The following REXO1 variants were observed in gnomAD, a reference collection of about 807,000 sequenced individuals.
REXO1 encodes the protein RNA exonuclease 1 homolog, also known as REX1, RNA exonuclease 1 homolog.
Under a neutral mutation model 102.6 loss-of-function variants are expected in REXO1, and 42 were observed. The ratio of observed to expected loss-of-function variants is 0.41; its 90% CI spans 0.32 to 0.53. REXO1 has a LOEUF of 0.53. Ranked by LOEUF, REXO1 falls within the 20% of genes least tolerant of loss-of-function variation. The pLI is 0.27. For synonymous variants in REXO1, 908 were observed against 779.1 expected, an observed-to-expected ratio of 1.17 and a Z score of -2.76; for missense variants, 1,819 against 1,732.5, an observed-to-expected ratio of 1.05 and a Z score of -0.89.
intron 1 of REXO1, among the ~76,000 whole-genome samples, chr19:1,843,057 G>C (rs1280932184): frequency 2.0e-5 from 3 of 152,148 alleles, no homozygotes; most frequent in African/African-American, 7.2e-5. Flanking sequence ...AAGAGTCACG[G>C]GGCAGCAGAG....
Position 1,816,071 on chromosome 19 carries a change from G to A in REXO1, c.3661C>T (p.Arg1221Ter), listed in dbSNP as rs1007017891. The A allele has an allele frequency of 9.1e-6, 14 of 1,543,604 alleles. No individual in the cohort carries two copies. The highest frequency in any genetic ancestry group is 1.7e-4 in the Middle Eastern group (1 of 6,014). Reference protein sequence around the residue: ...WKVREDAKTKR With the variant: ...WKVREDAKTK ...GGGTGGGAGGCGGGCAGGCGTCATCGCTTGGTCTTGGCGTCTTCTCGAACC... is the reference window on the plus strand; with the variant it reads ...GGGTGGGAGGCGGGCAGGCGTCATCACTTGGTCTTGGCGTCTTCTCGAACC... Residue 1221 changes from arginine to a stop codon, truncating the protein, a stop_gained, in exon 16 of 16, where the codon CGA (arginine) becomes TGA (stop). Transcript: ENST00000170168. LOFTEE classifies it high-confidence loss of function.
At chr19:1,824,522 T>C (rs748415995) in intron 3 of REXO1, 14 of 152,240 alleles carry the variant, frequency 9.2e-5, no homozygotes, top group Non-Finnish European at 2.1e-4. Flanking sequence ...TGCCCCAAAA[T>C]AAACTGATAC....
chr19:1,847,369 C>T (rs2011590861), intron 1 of REXO1, among the ~76,000 whole-genome samples: 1 of 152,158 alleles, frequency 6.6e-6, no homozygotes, highest in African/African-American at 2.4e-5. Context: ...AACTCACGCC[C>T]AATGAGGAAA....
intron 5 of REXO1, among the ~76,000 whole-genome samples, chr19:1,821,287 GTGAGCCAAGAT>G (rs2069529544): frequency 6.6e-6 from 1 of 151,676 alleles, no homozygotes; most frequent in Non-Finnish European, 1.5e-5. Context: ...AGAGCTTGCA[GTGAGCCAAGAT>G]CGTGCCACTG....
intron 1 of REXO1, among the ~76,000 whole-genome samples, chr19:1,838,993 G>A (rs559488159): frequency 1.3e-5 from 2 of 152,122 alleles, no homozygotes; most frequent in South Asian, 2.1e-4. Flanking sequence ...GGTGGCTCAC[G>A]CCTATAATCC....
chr19:1,826,417 G>A lies in REXO1; in HGVS notation c.1911+461C>T, dbSNP rs535898035. 6.6e-6 allele frequency among the ~76,000 whole-genome samples: 1 copy of A among 151,630 alleles called. No homozygotes were observed. The highest frequency in any genetic ancestry group is 2.0e-4 in the East Asian group (1 of 5,128). ...GGGAGGGGAGGAGAAAGGAGCCGGAGGGGATGAGGAGGAGGCAAGGAGAGG... is the reference window on the plus strand; with the variant it reads ...GGGAGGGGAGGAGAAAGGAGCCGGAAGGGATGAGGAGGAGGCAAGGAGAGG... On this transcript the variant is annotated intron_variant, in intron 2 of 15. Coordinates refer to ENST00000170168, the MANE Select transcript of REXO1 (RefSeq NM_020695.4). This position sits in a 1 kb window ranked among gnomAD's most constrained non-coding sequence, Gnocchi z 4.3.
chr19:1,818,470 G>GT lies in REXO1; in HGVS notation c.3016+11dup. ...ATGGGTGGGAAGGGGAAGGACCCGG[G>GT]TAAGGCCTTACCCCGGTTCCGGCGC... On this transcript the variant is annotated intron_variant, in intron 10 of 15. Transcript: ENST00000170168. 6.3e-7 allele frequency: 1 copy of GT among 1,578,272 alleles called. No homozygotes were observed. The highest frequency in any genetic ancestry group is 1.1e-5 in the South Asian group (1 of 87,030).
At chr19:1,823,507 G>T in intron 4 of REXO1, 65 bp downstream of exon 4, 1 of 1,161,140 alleles carries the variant, frequency 8.6e-7, no homozygotes. Flanking sequence ...GAGACCTCAG[G>T]GTGCCACCTC....
At chr19:1,817,678 G>A (rs767483943) in intron 11 of REXO1, 29 bp downstream of exon 11, 5 of 1,600,726 alleles carry the variant, frequency 3.1e-6, no homozygotes, top group Admixed American at 1.7e-5. Flanking sequence ...TTGAGAACAG[G>A]CAGAGGGGAC....
Position 1,827,672 on chromosome 19 carries a change from C to T in REXO1, c.1117G>A (p.Glu373Lys). Residue 373 changes from glutamate (E) to lysine (K), a missense_variant, in exon 2 of 16, where the codon GAG becomes AAG. Physicochemically the swap from Glu to Lys is moderately conservative, Grantham distance 56. Coordinates refer to ENST00000170168, the MANE Select transcript of REXO1 (RefSeq NM_020695.4). Reference sequence around the variant, plus strand: ...GTTTTTTTCTTCTTGGGTTTTCCCTCCTTGGGGCAGCCCCCATCCTGTGAG... The same window carrying T: ...GTTTTTTTCTTCTTGGGTTTTCCCTTCTTGGGGCAGCCCCCATCCTGTGAG... Reference protein sequence around the residue: ...QSSQDGGCPKEGKPKKKKTGA... With the variant: ...QSSQDGGCPKKGKPKKKKTGA... 1.9e-6 allele frequency: 3 copies of T among 1,567,256 alleles called. No individual in the cohort carries two copies. In the East Asian group the frequency reaches 6.7e-5, roughly 35 times the overall value.
At chr19:1,841,948 C>T (rs538410772) in intron 1 of REXO1, among the ~76,000 whole-genome samples, 159 of 152,288 alleles carry the variant, frequency 1.0e-3, no homozygotes, top group African/African-American at 3.6e-3. Context: ...CAGTGGCTCA[C>T]GCTTGTAATC....
rs2069739163 is a variant in REXO1, at chr19:1,826,852, C to A, written c.1911+26G>T. 2 of 1,557,542 alleles carry A rather than the reference C, an allele frequency of 1.3e-6. No individual in the cohort carries two copies. Among genetic ancestry groups the A allele is most frequent in the Non-Finnish European group, 1.7e-6 (2 of 1,152,262 alleles). On this transcript the variant is annotated intron_variant, in intron 2 of 15. Transcript: ENST00000170168. The surrounding 1 kb of genome is among the most constrained non-coding windows in gnomAD (Gnocchi z 4.3). ...CCCTCGGCTCTGCCTCTGCCCGAGC[C>A]CAGCCCCAGCACCCGCGCGCCTCAC...
chr19:1,826,887 C>T lies in REXO1; in HGVS notation c.1902G>A (p.Leu634=). ...CACCCGCGCGCCTCACCTGCCGGGC[C>T]AGCCGGCCTCTGTCCTCCGTCTTGA... The part of the protein sequence containing the change: ...TSVKTEDRGR[L]ARQPPKEEKS... Residue 634 remains leucine, a synonymous_variant, in exon 2 of 16, where the codon CTG becomes CTA. Transcript: ENST00000170168. The surrounding 1 kb of genome is among the most constrained non-coding windows in gnomAD (Gnocchi z 4.3). 6.3e-7 allele frequency: 1 copy of T among 1,578,614 alleles called. No homozygotes were observed. Among genetic ancestry groups the T allele is most frequent in the Non-Finnish European group, 8.6e-7 (1 of 1,163,326 alleles).
Position 1,827,087 on chromosome 19 carries a change from T to C in REXO1, c.1702A>G (p.Lys568Glu), listed in dbSNP as rs755367086. 34 of 1,539,800 alleles carry C rather than the reference T, an allele frequency of 2.2e-5. No individual in the cohort carries two copies. In the Admixed American group the frequency reaches 3.9e-4, roughly 18 times the overall value. The change falls in exon 2 of 16, where the codon AAG becomes GAG. Residue 568 changes from lysine to glutamate, a missense_variant. By Grantham distance (56) the Lys-to-Glu change is moderately conservative (BLOSUM62 1). Coordinates refer to ENST00000170168, the MANE Select transcript of REXO1 (RefSeq NM_020695.4). ...GGGGGCGGGGAGGCCTTGAGCCGCT[T>C]GGGCGGCCCCTGCGCCTCCGGGAAG... ...LGFPEAQGPP[K>E]RLKASPPPSP...
intron 3 of REXO1, among the ~76,000 whole-genome samples, chr19:1,825,469 CCTTT>C (rs2069686869): frequency 7.1e-6 from 1 of 140,138 alleles, no homozygotes; most frequent in South Asian, 2.4e-4. Context: ...AGCAAGACCC[CCTTT>C]TTTTATAATT....
In REXO1 at chr19:1,848,330, G is replaced by C; in HGVS notation, c.29C>G (p.Ala10Gly). Residue 10 changes from alanine (A) to glycine (G), a missense_variant, in exon 1 of 16, where the codon GCC (alanine) becomes GGC (glycine). Physicochemically the swap from Ala to Gly is moderately conservative, Grantham distance 60. Coordinates refer to ENST00000170168, the MANE Select transcript of REXO1 (RefSeq NM_020695.4). MLRSTGFFR[A>G]IDCPYWSGAP... Reference sequence around the variant, plus strand: ...CCCAGACCAATAGGGGCAGTCAATGGCCCGGAAGAAGCCAGTGGAGCGTAG... The same window carrying C: ...CCCAGACCAATAGGGGCAGTCAATGCCCCGGAAGAAGCCAGTGGAGCGTAG... 4 of 1,226,580 alleles carry C rather than the reference G, an allele frequency of 3.3e-6. No homozygotes were observed. The highest frequency in any genetic ancestry group is 4.1e-6 in the Non-Finnish European group (4 of 977,524). The allele number at this position is 1,226,580 out of a possible 1,614,324, so 76.0% of individuals were successfully genotyped here.
chr19:1,830,196 G>A, intron 1 of REXO1, among the ~76,000 whole-genome samples: 1 of 152,194 alleles, frequency 6.6e-6, no homozygotes, highest in Non-Finnish European at 1.5e-5. Flanking sequence ...CAGAAACTTG[G>A]AAGTTGACCA....
Position 1,848,262 on chromosome 19 carries a change from G to A in REXO1, c.97C>T (p.His33Tyr). ...GCGCCGGAGCCCCGGGCCCCGCGGT[G>A]CCGGAAGTGGCAGTAGGGCCGCCGG... ...PCRRPYCHFR[H>Y]RGARGSGAPG... Residue 33 changes from histidine (H) to tyrosine (Y), a missense_variant, in exon 1 of 16, where the codon CAC becomes TAC. By Grantham distance (83) the His-to-Tyr change is moderately conservative. Coordinates refer to ENST00000170168, the MANE Select transcript of REXO1 (RefSeq NM_020695.4). 1 of 1,231,592 alleles carries A rather than the reference G, an allele frequency of 8.1e-7. No individual in the cohort carries two copies. The allele number at this position is 1,231,592 out of a possible 1,614,324, so 76.3% of individuals were successfully genotyped here.
Position 1,822,805 on chromosome 19 carries a change from C to G in REXO1, c.2230+767G>C, listed in dbSNP as rs1600528954. The stretch of plus-strand genomic sequence containing the variant: ...TGCAGGGGAATCGCCGGGGCTGGCC[C>G]TAAGGCTCTCCAGCCAGCGCCAGGG... On this transcript the variant is annotated intron_variant, in intron 4 of 15. Transcript: ENST00000170168. 2.0e-5 allele frequency: 3 copies of G among 152,498 alleles called. No homozygotes were observed. In the East Asian group the frequency reaches 5.8e-4, roughly 29 times the overall value. 9.4% of individuals were successfully genotyped at this position (152,498 alleles called of 1,614,324 possible).
Sources: allele counts gnomAD v4.1 joint callset (sites outside exome capture counted in the v4.1 genomes callset), GRCh38; gene constraint gnomAD v4.1.1; non-coding constraint Gnocchi (gnomAD v3.1); transcripts MANE v1.5; gene names NCBI Gene and HGNC (gene_info 2026-07-23, HGNC 2026-07-21).